Variants in PDZRN3 observed in about 807,000 individuals in gnomAD.
The protein encoded by PDZRN3 is E3 ubiquitin-protein ligase PDZRN3.
Under a neutral mutation model 85.7 loss-of-function variants are expected in PDZRN3, and 38 were observed. That is an observed-to-expected ratio of 0.44 (90% confidence interval 0.34 to 0.58). PDZRN3 has a LOEUF of 0.58. Among genes scored for constraint, PDZRN3 ranks in the 20% least tolerant of loss-of-function variants. PDZRN3 has a pLI of 0.01. For synonymous variants in PDZRN3, 759 were observed against 638.0 expected (o/e 1.19, Z -2.86); for missense variants, 1,629 against 1,506.4 (o/e 1.08, Z -1.35).
At chr3:73,458,995 C>CAAAAA (rs35284667) in intron 3 of PDZRN3, among the ~76,000 whole-genome samples, 2 of 124,152 alleles carry the variant, frequency 1.6e-5, no homozygotes, top group Non-Finnish European at 3.4e-5. Context: ...CCATCTCAAA[C>CAAAAA]AAAAAAAAAA....
At chr3:73,484,699 T>C (rs535151143) in intron 3 of PDZRN3, among the ~76,000 whole-genome samples, 32 of 152,300 alleles carry the variant, frequency 2.1e-4, no homozygotes, top group African/African-American at 7.2e-4. Flanking sequence ...TACAGAAATA[T>C]ACTCGCTGCT....
intron 5 of PDZRN3, among the ~76,000 whole-genome samples, chr3:73,394,252 T>C (rs1189051887): frequency 6.6e-6 from 1 of 152,226 alleles, no homozygotes; most frequent in Non-Finnish European, 1.5e-5. Context: ...TAAATGCAGT[T>C]TGATATTTTT....
At chr3:73,558,985 C>G (rs1701760513) in intron 3 of PDZRN3, among the ~76,000 whole-genome samples, 1 of 152,172 alleles carries the variant, frequency 6.6e-6, no homozygotes, top group Non-Finnish European at 1.5e-5. Context: ...ATGGAATTGA[C>G]CATATGCATC....
chr3:73,492,539 C>T (rs893893659), intron 3 of PDZRN3, among the ~76,000 whole-genome samples: 43 of 152,310 alleles, frequency 2.8e-4, no homozygotes, highest in Admixed American at 1.2e-3. Flanking sequence ...TCTCAGTGAT[C>T]TGGGGCTGCA....
intron 5 of PDZRN3, among the ~76,000 whole-genome samples, chr3:73,392,976 T>C (rs1173484155): frequency 2.6e-5 from 4 of 152,190 alleles, no homozygotes; most frequent in Non-Finnish European, 1.5e-5. Context: ...CATCCTCTTA[T>C]GTTTCAAACA....
At chr3:73,600,337 A>ACACACTCTCTCTCT (rs34405662) in intron 3 of PDZRN3, among the ~76,000 whole-genome samples, 91 of 100,066 alleles carry the variant, frequency 9.1e-4, no homozygotes, top group African/African-American at 2.4e-3. Context: ...ACACACACAC[A>ACACACTCTCTCTCT]CTCTCTCTCT....
chr3:73,433,526 A>G, intron 3 of PDZRN3: 1 of 690,364 alleles, frequency 1.4e-6, no homozygotes, highest in Non-Finnish European at 2.4e-6. Flanking sequence ...CGTCTTTCAG[A>G]ACACAAAATA....
At chr3:73,533,340 C>T (rs1022914394) in intron 3 of PDZRN3, among the ~76,000 whole-genome samples, 6 of 152,076 alleles carry the variant, frequency 3.9e-5, no homozygotes, top group African/African-American at 1.4e-4. Flanking sequence ...GGAGCCATTG[C>T]GAAGGACAGA....
chr3:73,401,470 C>T (rs1701747905), intron 4 of PDZRN3, among the ~76,000 whole-genome samples: 1 of 152,162 alleles, frequency 6.6e-6, no homozygotes, highest in African/African-American at 2.4e-5. Flanking sequence ...TGAAACTGTT[C>T]TGCTGTTACC....
rs369718129 is a variant in PDZRN3, at chr3:73,488,587, CCTT to C, written c.919-84195_919-84193del. Among the ~76,000 whole-genome samples, 35 of 152,320 alleles carry C rather than the reference CCTT, an allele frequency of 2.3e-4. No homozygotes were observed. The East Asian group carries it at 2.9e-3, about 13-fold the overall frequency. On this transcript the variant is annotated intron_variant, in intron 3 of 9. Coordinates refer to ENST00000263666, the MANE Select transcript of PDZRN3 (RefSeq NM_015009.3). ...GCCTACCATCTCTACAAGTCTCTCA[CCTT>C]CTCGGCCTTTCTTTGTCCTGACCTC...
chr3:73,536,501 A>T (rs1386191503), intron 3 of PDZRN3, among the ~76,000 whole-genome samples: 2 of 152,244 alleles, frequency 1.3e-5, no homozygotes, highest in Non-Finnish European at 2.9e-5. Context: ...ATTTTGGAGC[A>T]TCTGTCATGT....
intron 3 of PDZRN3, among the ~76,000 whole-genome samples, chr3:73,424,784 TACTTA>T (rs1482513985): frequency 6.6e-6 from 1 of 152,068 alleles, no homozygotes; most frequent in African/African-American, 2.4e-5. Context: ...CATAAATATA[TACTTA>T]ACTTCATAGT....
intron 5 of PDZRN3, among the ~76,000 whole-genome samples, chr3:73,393,626 T>C (rs1432281846): frequency 6.6e-6 from 1 of 152,202 alleles, no homozygotes; most frequent in Non-Finnish European, 1.5e-5. Context: ...CTGGTCCTTG[T>C]GGCTTTTCAG....
At position 73,385,741 on chromosome 3, in the gene PDZRN3, A is replaced by G; in HGVS notation, c.1563T>C (p.Asp521=). Residue 521 remains aspartate (D), a synonymous_variant, in exon 9 of 10, where the codon GAT becomes GAC. Coordinates refer to ENST00000263666, the MANE Select transcript of PDZRN3 (RefSeq NM_015009.3). ...CCTCCAGCATGTCCATGTGCAGGTC[A>G]TCCAGAAAGTCGTTCCTGTCATCAT... The part of the protein sequence containing the change: ...WMDDDRNDFL[D]DLHMDMLEEQ... The G allele has an allele frequency of 1.2e-6, 2 of 1,614,030 alleles. No homozygotes were observed. Among genetic ancestry groups the G allele is most frequent in the Admixed American group, 3.3e-5 (2 of 60,028 alleles).
intron 3 of PDZRN3, among the ~76,000 whole-genome samples, chr3:73,492,463 G>A (rs1703789738): frequency 6.6e-6 from 1 of 152,156 alleles, no homozygotes; most frequent in Non-Finnish European, 1.5e-5. Context: ...AAAAAATATG[G>A]GACTTAACAA....
chr3:73,409,623 C>G (rs148105381), intron 3 of PDZRN3, among the ~76,000 whole-genome samples: 1 of 152,020 alleles, frequency 6.6e-6, no homozygotes, highest in Non-Finnish European at 1.5e-5. Context: ...ACCAAGACAT[C>G]GAGTGACTCA....
At chr3:73,586,272 C>T (rs1430749030) in intron 3 of PDZRN3, among the ~76,000 whole-genome samples, 2 of 152,300 alleles carry the variant, frequency 1.3e-5, no homozygotes, top group Middle Eastern at 3.4e-3. Context: ...GCTGCTATTC[C>T]TGTATGGACA....
In PDZRN3 at chr3:73,527,603, C is replaced by T. The variant is rs567330536; in HGVS notation, c.918+74751G>A. ...CTAGGACATGAAAAAAAAAATCATA[C>T]ATTCTGAGCTGTTCTCAGAATTCTC... On this transcript the variant is annotated intron_variant, in intron 3 of 9. Coordinates refer to ENST00000263666, the MANE Select transcript of PDZRN3 (RefSeq NM_015009.3). 4.6e-5 allele frequency among the ~76,000 whole-genome samples: 7 copies of T among 152,080 alleles called. No homozygotes were observed. In the South Asian group the frequency reaches 1.0e-3, roughly 23 times the overall value.
chr3:73,500,736 A>C (rs543979117), intron 3 of PDZRN3, among the ~76,000 whole-genome samples: 32 of 152,110 alleles, frequency 2.1e-4, no homozygotes, highest in African/African-American at 7.2e-4. Context: ...TAAACCACCT[A>C]AAAATTTATT....
Sources: allele counts gnomAD v4.1 joint callset (sites outside exome capture counted in the v4.1 genomes callset), GRCh38; gene constraint gnomAD v4.1.1; transcripts MANE v1.5; gene names NCBI Gene and HGNC (gene_info 2026-07-23, HGNC 2026-07-21).